C12orf75: variants seen among roughly 807,000 people sequenced by gnomAD.
C12orf75 encodes the protein overexpressed in colon carcinoma 1 protein.
In C12orf75, 4 loss-of-function variants were observed where a neutral mutation model predicts 11.4. That is an observed-to-expected ratio of 0.35 (90% CI 0.17 to 0.80). The LOEUF is 0.80. C12orf75 is among the 30% of genes least tolerant of loss of function. C12orf75 has a pLI of 0.52. For synonymous variants in C12orf75, 30 were observed against 30.0 expected (o/e 1.00, Z 0.00); for missense variants, 89 against 80.4 (o/e 1.11, Z -0.41).
In C12orf75 at chr12:105,339,063, CTG is replaced by C. The variant is rs567466766; in HGVS notation, c.46+8128_46+8129del. On this transcript the variant is annotated intron_variant, in intron 1 of 5. Coordinates refer to ENST00000443585, the MANE Select transcript of C12orf75 (RefSeq NM_001145199.2). ...TTATTTGAAGAAATCACTTATGAAT[CTG>C]TATTTTTTTATTGCACTCTGAAAAA... Among the ~76,000 whole-genome samples the C allele has an allele frequency of 3.9e-5, 6 of 152,204 alleles. No homozygotes were observed. In the South Asian group the frequency reaches 1.2e-3, roughly 32 times the overall value.
chr12:105,356,212 A>G (rs1419364705), intron 2 of C12orf75, among the ~76,000 whole-genome samples: 1 of 152,244 alleles, frequency 6.6e-6, no homozygotes, highest in Non-Finnish European at 1.5e-5. Context: ...CATGTTATAA[A>G]GAAAATTAAA....
intron 2 of C12orf75, among the ~76,000 whole-genome samples, chr12:105,354,541 C>T (rs1892751447): frequency 6.6e-6 from 1 of 152,296 alleles, no homozygotes; most frequent in East Asian, 1.9e-4. Flanking sequence ...TAGGAAAATA[C>T]TTGGCATTAT....
In C12orf75 at chr12:105,370,830, C is replaced by G. The variant is rs1871605621; in HGVS notation, c.*230C>G. On this transcript the variant is annotated 3_prime_UTR_variant, in exon 6 of 6. Coordinates refer to ENST00000443585, the MANE Select transcript of C12orf75 (RefSeq NM_001145199.2). The stretch of plus-strand genomic sequence containing the variant: ...ACAGTACACTTGTTTATGGAACTTT[C>G]TGTGGCCACCTACGAAAGACAAGTT... The G allele has an allele frequency of 1.2e-5, 5 of 401,974 alleles. No individual in the cohort carries two copies. The Middle Eastern group carries it at 1.8e-3, about 142-fold the overall frequency. 24.9% of individuals were successfully genotyped at this position (401,974 alleles called of 1,614,324 possible).
chr12:105,359,127 G>A (rs1265770654), intron 2 of C12orf75, among the ~76,000 whole-genome samples: 1 of 152,156 alleles, frequency 6.6e-6, no homozygotes, highest in Non-Finnish European at 1.5e-5. Context: ...CGGCACCAAC[G>A]TTTGACTCCA....
At chr12:105,354,208 G>A (rs943600586) in intron 2 of C12orf75, among the ~76,000 whole-genome samples, 1 of 152,200 alleles carries the variant, frequency 6.6e-6, no homozygotes, top group African/African-American at 2.4e-5. Context: ...AGAGGGACTT[G>A]TGTTTAAAAT....
At chr12:105,366,231 A>G (rs985541700) in intron 3 of C12orf75, 1 of 280,198 alleles carries the variant, frequency 3.6e-6, no homozygotes, top group South Asian at 7.7e-5. Flanking sequence ...TATTAGTAAG[A>G]TATCTTTGTG....
In C12orf75 at chr12:105,356,361, A is replaced by G. The variant is rs543524351; in HGVS notation, c.71+7735A>G. Among the ~76,000 whole-genome samples the G allele has an allele frequency of 3.3e-5, 5 of 150,026 alleles. 1 individual carries two copies. The highest frequency in any genetic ancestry group is 1.2e-4 in the African/African-American group (5 of 40,922). ...ATGGTCTCCAGGGTTTCCATATTCA[A>G]TTTTTACTGTTTACGAGTCAAAGTA... On this transcript the variant is annotated intron_variant, in intron 2 of 5. Coordinates refer to ENST00000443585, the MANE Select transcript of C12orf75 (RefSeq NM_001145199.2).
chr12:105,369,739 C>T (rs1237880233), intron 5 of C12orf75, among the ~76,000 whole-genome samples: 2 of 152,098 alleles, frequency 1.3e-5, no homozygotes, highest in Non-Finnish European at 2.9e-5. Flanking sequence ...TTAGTTTGAT[C>T]CTGGTCTTTC....
chr12:105,341,400 C>T (rs572779092), intron 1 of C12orf75, among the ~76,000 whole-genome samples: 2 of 152,250 alleles, frequency 1.3e-5, no homozygotes, highest in East Asian at 3.9e-4. Flanking sequence ...TGTCAGCCTC[C>T]ACAGGTTTAG....
chr12:105,357,394 C>T (rs1304873810), intron 2 of C12orf75, among the ~76,000 whole-genome samples: 1 of 152,074 alleles, frequency 6.6e-6, no homozygotes, highest in Admixed American at 6.5e-5. Flanking sequence ...TTCTTGCATG[C>T]CGAGTGTCAA....
chr12:105,346,043 T>C (rs979665255), intron 1 of C12orf75, among the ~76,000 whole-genome samples: 1 of 152,172 alleles, frequency 6.6e-6, no homozygotes, highest in African/African-American at 2.4e-5. Context: ...CAAAATCCCT[T>C]ATCTTAACTC....
rs1871506801 is a variant in C12orf75 at position 105,367,458 on chromosome 12, A to AT, written c.188-10dup. ...TAATCTGAACATTTAACTTTTCTTAATTTTCTCTTTAAGATTAGAAGAAAA... is the reference window on the plus strand; with the variant it reads ...TAATCTGAACATTTAACTTTTCTTAATTTTTCTCTTTAAGATTAGAAGAAAA... On this transcript the variant is annotated splice_polypyrimidine_tract_variant and intron_variant, in intron 4 of 5. Coordinates refer to ENST00000443585, the MANE Select transcript of C12orf75 (RefSeq NM_001145199.2). The AT allele has an allele frequency of 1.2e-6, 1 of 822,520 alleles. No homozygotes were observed. The highest frequency in any genetic ancestry group is 1.9e-6 in the Non-Finnish European group (1 of 535,156). The allele number at this position is 822,520 out of a possible 1,614,324, so 51.0% of individuals were successfully genotyped here. A position where few individuals can be genotyped will look rare whatever the true frequency, so the allele number is the denominator to read the frequency against.
At chr12:105,356,438 G>GTTTTTT (rs1288538503) in intron 2 of C12orf75, among the ~76,000 whole-genome samples, 1 of 83,104 alleles carries the variant, frequency 1.2e-5, no homozygotes. Context: ...AAGACTACAG[G>GTTTTTT]CTTTTTTTTT....
intron 2 of C12orf75, among the ~76,000 whole-genome samples, chr12:105,358,542 TAATA>T (rs1463599310): frequency 6.6e-6 from 1 of 152,086 alleles, no homozygotes; most frequent in Non-Finnish European, 1.5e-5. Context: ...AAAACAATAA[TAATA>T]AATAAATACA....
intron 2 of C12orf75, among the ~76,000 whole-genome samples, chr12:105,350,410 G>A (rs1359887859): frequency 6.6e-6 from 1 of 152,228 alleles, no homozygotes; most frequent in Non-Finnish European, 1.5e-5. Flanking sequence ...ACTGTTCTCA[G>A]GGGCTTCTGC....
intron 2 of C12orf75, among the ~76,000 whole-genome samples, chr12:105,350,596 G>T (rs914395850): frequency 1.3e-5 from 2 of 152,200 alleles, no homozygotes; most frequent in Non-Finnish European, 2.9e-5. Context: ...TTTCTCCTCA[G>T]AACCTTCACA....
chr12:105,337,687 A>G (rs1592876163), intron 1 of C12orf75, among the ~76,000 whole-genome samples: 1 of 152,324 alleles, frequency 6.6e-6, no homozygotes, highest in African/African-American at 2.4e-5. Context: ...CTATAGGAGT[A>G]TTTGGGGAAG....
rs560481545 is a variant in C12orf75, at chr12:105,342,255, T to C, written c.47-6347T>C. 2.0e-5 allele frequency among the ~76,000 whole-genome samples: 3 copies of C among 152,160 alleles called. No individual in the cohort carries two copies. The South Asian group carries it at 6.2e-4, about 32-fold the overall frequency. On this transcript the variant is annotated intron_variant, in intron 1 of 5. Transcript: ENST00000443585. ...CTGCTCCCATGAATGGATTAATGTG[T>C]TTAATCATAAATAAACTGGGGGACG...
chr12:105,346,502 A>T (rs1000499365), intron 1 of C12orf75, among the ~76,000 whole-genome samples: 1 of 152,110 alleles, frequency 6.6e-6, no homozygotes, highest in Non-Finnish European at 1.5e-5. Flanking sequence ...TACTGTTGGC[A>T]GTTTTTCCTG....
Sources: allele counts gnomAD v4.1 joint callset (sites outside exome capture counted in the v4.1 genomes callset), GRCh38; gene constraint gnomAD v4.1.1; transcripts MANE v1.5; gene names NCBI Gene and HGNC (gene_info 2026-07-23, HGNC 2026-07-21).